The following GPCPD1 variants were observed in gnomAD, a reference collection of about 807,000 sequenced individuals.
The protein encoded by GPCPD1 is glycerophosphocholine phosphodiesterase 1.
A neutral mutation model predicts 89.2 loss-of-function variants in GPCPD1; 29 were observed. The ratio of observed to expected loss-of-function variants is 0.33; its 90% CI spans 0.24 to 0.44. The LOEUF is 0.44. GPCPD1 is among the 20% of genes least tolerant of loss of function. The pLI is 1.00. For missense variants in GPCPD1, 594 were observed against 808.9 expected (o/e 0.73, Z 3.22); for synonymous variants, 258 against 266.3 (o/e 0.97, Z 0.30).
intron 1 of GPCPD1, among the ~76,000 whole-genome samples, chr20:5,604,939 C>A (rs2122818085): frequency 6.6e-6 from 1 of 151,742 alleles, no homozygotes; most frequent in African/African-American, 2.4e-5. Flanking sequence ...AGCCACAGAG[C>A]AAGACCCTGT....
chr20:5,561,284 C>T (rs1600723851), intron 16 of GPCPD1, among the ~76,000 whole-genome samples, 181 bp downstream of exon 16: 2 of 152,206 alleles, frequency 1.3e-5, no homozygotes, highest in African/African-American at 4.8e-5. Context: ...GAAATACTCA[C>T]ATACTAGCAT....
chr20:5,607,010 G>A (rs940184595), intron 1 of GPCPD1, among the ~76,000 whole-genome samples: 119 of 152,326 alleles, frequency 7.8e-4, no homozygotes, highest in African/African-American at 2.8e-3. Context: ...CCTTTGGCCA[G>A]GCACAGTGGC....
chr20:5,602,793 G>T (rs140111716), intron 2 of GPCPD1, among the ~76,000 whole-genome samples: 1 of 152,064 alleles, frequency 6.6e-6, no homozygotes. Flanking sequence ...GACTGGCCTG[G>T]CCAACATGGC....
At chr20:5,570,578 C>T (rs972630943) in intron 11 of GPCPD1, among the ~76,000 whole-genome samples, 4 of 152,232 alleles carry the variant, frequency 2.6e-5, no homozygotes, top group Non-Finnish European at 5.9e-5. Flanking sequence ...AGGGATCCCA[C>T]ACATTGCTGC....
At chr20:5,561,574 A>T (rs748022835) in intron 15 of GPCPD1, 44 bp from the exon 16 acceptor site, 2 of 938,168 alleles carry the variant, frequency 2.1e-6, no homozygotes, top group Non-Finnish European at 3.4e-6. Context: ...GATGAGATGG[A>T]TAGCAGAATA....
At chr20:5,561,098 TAAC>T (rs1986052831) in intron 16 of GPCPD1, among the ~76,000 whole-genome samples, 1 of 152,358 alleles carries the variant, frequency 6.6e-6, no homozygotes, top group Admixed American at 6.5e-5. Context: ...TAGCTACTGT[TAAC>T]AACAGAAAAC....
intron 2 of GPCPD1, among the ~76,000 whole-genome samples, chr20:5,601,818 A>C (rs1441477649): frequency 6.6e-6 from 1 of 152,214 alleles, no homozygotes; most frequent in Non-Finnish European, 1.5e-5. Flanking sequence ...CTTGCCTCTT[A>C]TAGGTGCTCC....
intron 3 of GPCPD1, among the ~76,000 whole-genome samples, chr20:5,594,347 T>C (rs1326427103): frequency 6.6e-6 from 1 of 151,866 alleles, no homozygotes; most frequent in Non-Finnish European, 1.5e-5. Flanking sequence ...TGAAGTGCAG[T>C]GGCGCGATCT....
rs1568682811 is a variant in GPCPD1 at position 5,604,802 on chromosome 20, CA to C, written c.-28-363del. On this transcript the variant is annotated intron_variant, in intron 1 of 19. Coordinates refer to ENST00000379019, the MANE Select transcript of GPCPD1 (RefSeq NM_019593.5). ...ACACACACACACACACACACACACA[CA>C]CACGCCAGGCATGGGGAGCATGCCT... Among the ~76,000 whole-genome samples the C allele has an allele frequency of 5.0e-3, 762 of 151,388 alleles. 9 individuals carry two copies. The highest frequency in any genetic ancestry group is 0.017 in the African/African-American group (720 of 41,204).
In GPCPD1 at chr20:5,550,942, A is replaced by G. The variant is rs554510548; in HGVS notation, c.1830-3092T>C. On this transcript the variant is annotated intron_variant, in intron 19 of 19. Coordinates refer to ENST00000379019, the MANE Select transcript of GPCPD1 (RefSeq NM_019593.5). ...AGCAGCCCGGTGGAGAGGCAGACGT[A>G]TTGAGGGCTATTACTCCGAGAGAGA... 1.2e-3 allele frequency among the ~76,000 whole-genome samples: 185 copies of G among 152,340 alleles called. 1 individual carries two copies. The highest frequency in any genetic ancestry group is 4.2e-3 in the African/African-American group (176 of 41,578).
At chr20:5,599,566 GT>G (rs1415387024) in intron 2 of GPCPD1, among the ~76,000 whole-genome samples, 1 of 151,850 alleles carries the variant, frequency 6.6e-6, no homozygotes, top group Admixed American at 6.6e-5. Context: ...GTACTTCTTG[GT>G]TTTTGGAGAT....
chr20:5,575,767 T>G (rs780689464), intron 9 of GPCPD1, 49 bp downstream of exon 9: 1 of 1,278,268 alleles, frequency 7.8e-7, no homozygotes, highest in South Asian at 1.3e-5. Context: ...TGAAACTAAT[T>G]AAAATTCTAA....
chr20:5,594,410 G>A (rs887051326), intron 3 of GPCPD1, among the ~76,000 whole-genome samples: 2 of 151,766 alleles, frequency 1.3e-5, no homozygotes, highest in African/African-American at 2.4e-5. Context: ...CCACCTCAGC[G>A]TCCCCAGTAG....
At chr20:5,572,265 C>T (rs1341420395) in intron 11 of GPCPD1, among the ~76,000 whole-genome samples, 4 of 152,072 alleles carry the variant, frequency 2.6e-5, no homozygotes, top group Non-Finnish European at 5.9e-5. Flanking sequence ...AAACTGGTTC[C>T]AAATTAATTA....
chr20:5,579,119 A>G (rs911018124), intron 7 of GPCPD1, among the ~76,000 whole-genome samples: 1 of 152,126 alleles, frequency 6.6e-6, no homozygotes, highest in Non-Finnish European at 1.5e-5. Flanking sequence ...TGAGAGGTGG[A>G]GGTTGCAGTG....
At position 5,547,686 on chromosome 20, in the gene GPCPD1, C is replaced by T. The variant is rs201864662; in HGVS notation, c.1994G>A (p.Gly665Asp). ...CTAAGCATTCTCCACGTTATCAATG[C>T]CGTTGGCATCCACATGGATATCAGA... Reference protein sequence around the residue: ...GESDIHVDANGIDNVENA With the variant: ...GESDIHVDANDIDNVENA The change falls in exon 20 of 20, where the codon GGC becomes GAC. Residue 665 changes from glycine (G) to aspartate (D), a missense_variant. Gly to Asp is a moderately conservative substitution (Grantham distance 94). Coordinates refer to ENST00000379019, the MANE Select transcript of GPCPD1 (RefSeq NM_019593.5). The T allele has an allele frequency of 9.0e-5, 144 of 1,605,382 alleles. 1 individual carries two copies. The East Asian group carries it at 1.5e-3, about 17-fold the overall frequency.
intron 3 of GPCPD1, among the ~76,000 whole-genome samples, chr20:5,596,891 T>C (rs1054582154): frequency 1.6e-4 from 24 of 152,364 alleles, no homozygotes; most frequent in African/African-American, 5.0e-4. Flanking sequence ...TTCTATTTCA[T>C]TGTACATGCA....
At chr20:5,603,023 G>A (rs1980280812) in intron 2 of GPCPD1, among the ~76,000 whole-genome samples, 1 of 151,014 alleles carries the variant, frequency 6.6e-6, no homozygotes, top group African/African-American at 2.4e-5. Flanking sequence ...GCTGGGCACG[G>A]TGGCTCCTAC....
At chr20:5,579,964 T>C (rs113015979) in intron 7 of GPCPD1, 44 bp downstream of exon 7, 14 of 1,278,250 alleles carry the variant, frequency 1.1e-5, no homozygotes, top group African/African-American at 1.0e-4. Flanking sequence ...TCTACAGCAC[T>C]AGTGAAAACA....
Sources: allele counts gnomAD v4.1 joint callset (sites outside exome capture counted in the v4.1 genomes callset), GRCh38; gene constraint gnomAD v4.1.1; transcripts MANE v1.5; gene names NCBI Gene and HGNC (gene_info 2026-07-23, HGNC 2026-07-21).